Variants in RTN4R observed in about 807,000 individuals in gnomAD.
RTN4R encodes reticulon 4 receptor, also known as reticulon-4 receptor.
A neutral mutation model predicts 27.7 loss-of-function variants in RTN4R; 4 were observed. The observed-to-expected ratio is 0.14, with a 90% CI of 0.07 to 0.33. RTN4R has a LOEUF of 0.33. Among genes scored for constraint, RTN4R ranks in the 10% least tolerant of loss-of-function variants. The pLI is 1.00. For missense variants in RTN4R, 554 were observed against 671.5 expected (o/e 0.83, Z 1.93); for synonymous variants, 290 against 305.6 (o/e 0.95, Z 0.53).
At chr22:20,265,854 C>A (rs1051134893) in intron 1 of RTN4R, among the ~76,000 whole-genome samples, 1 of 152,204 alleles carries the variant, frequency 6.6e-6, no homozygotes, top group African/African-American at 2.4e-5. Context: ...CGGGCCAATT[C>A]CGCCCAGCCT....
chr22:20,262,165 AG>A (rs2051251619), intron 1 of RTN4R, among the ~76,000 whole-genome samples: 2 of 152,188 alleles, frequency 1.3e-5, no homozygotes, highest in African/African-American at 4.8e-5. Context: ...GGATGGGTCG[AG>A]GGAAGAGGCT....
intron 1 of RTN4R, 33 bp downstream of exon 1, chr22:20,268,038 C>A (rs1450250845): frequency 5.2e-6 from 6 of 1,154,742 alleles, no homozygotes; most frequent in Admixed American, 9.5e-5. Context: ...CGCCCCGCCG[C>A]CGGCCGGGCT....
Position 20,242,778 on chromosome 22 carries a change from G to A in RTN4R, c.355C>T (p.Arg119Trp), listed in dbSNP as rs74315508. 2.3e-4 allele frequency: 364 copies of A among 1,612,846 alleles called. No homozygotes were observed. Among genetic ancestry groups the A allele is most frequent in the Admixed American group, 2.1e-3 (129 of 60,026 alleles). Residue 119 changes from arginine (R) to tryptophan (W), a missense_variant, in exon 2 of 2, where the codon CGG becomes TGG. Arg to Trp is a moderately radical substitution (Grantham distance 101). Coordinates refer to ENST00000043402, the MANE Select transcript of RTN4R (RefSeq NM_023004.6). ...TGGAATGTGGCAGGGTCCACAGACC[G>A]GAGCTGTGCATTATCGCTGAGGTCC... ...QLDLSDNAQL[R>W]SVDPATFHGL...
chr22:20,244,418 G>A (rs1486520201), intron 1 of RTN4R, among the ~76,000 whole-genome samples: 1 of 152,230 alleles, frequency 6.6e-6, no homozygotes, highest in African/African-American at 2.4e-5. Flanking sequence ...AGCACGCGCA[G>A]TGACCGCTGG....
At chr22:20,261,591 A>C (rs2051247446) in intron 1 of RTN4R, among the ~76,000 whole-genome samples, 1 of 152,112 alleles carries the variant, frequency 6.6e-6, no homozygotes, top group Non-Finnish European at 1.5e-5. Context: ...GGGCCAACTG[A>C]TCTGCACCTA....
chr22:20,266,112 T>A (rs1240781822), intron 1 of RTN4R, among the ~76,000 whole-genome samples: 1 of 152,184 alleles, frequency 6.6e-6, no homozygotes, highest in Non-Finnish European at 1.5e-5. Flanking sequence ...CTCACCTCAG[T>A]AGAGAAGAAC....
At position 20,242,476 on chromosome 22, in the gene RTN4R, C is replaced by T. The variant is rs746556660; in HGVS notation, c.657G>A (p.Pro219=). ...GGCGGCCAAGGTCACGGAAGGCATGCGGGTGCACATGGGCCACGCGGTTCT... is the reference window on the plus strand; with the variant it reads ...GGCGGCCAAGGTCACGGAAGGCATGTGGGTGCACATGGGCCACGCGGTTCT... ...LHQNRVAHVH[P]HAFRDLGRLM... The change falls in exon 2 of 2, where the codon CCG becomes CCA. Residue 219 remains proline (P), a synonymous_variant. Transcript: ENST00000043402. 15 of 1,613,550 alleles carry T rather than the reference C, an allele frequency of 9.3e-6. No individual in the cohort carries two copies. The highest frequency in any genetic ancestry group is 1.7e-5 in the Admixed American group (1 of 60,008).
intron 1 of RTN4R, among the ~76,000 whole-genome samples, chr22:20,246,240 A>G (rs1409771390): frequency 6.6e-6 from 1 of 152,150 alleles, no homozygotes; most frequent in African/African-American, 2.4e-5. Context: ...GTGACCGGAT[A>G]CTGACCCAGA....
At position 20,258,891 on chromosome 22, in the gene RTN4R, G is replaced by A. The variant is rs547423680; in HGVS notation, c.22+9180C>T. 6.8e-4 allele frequency among the ~76,000 whole-genome samples: 103 copies of A among 152,296 alleles called. 2 individuals carry two copies. Among genetic ancestry groups the A allele is most frequent in the Admixed American group, 6.0e-3 (92 of 15,306 alleles). On this transcript the variant is annotated intron_variant, in intron 1 of 1. Transcript: ENST00000043402. ...GTGATAACTCAGCTAGGAGTGGGGCGTGGGGGTGGTCCTGACATGTACCAA... is the reference window on the plus strand; with the variant it reads ...GTGATAACTCAGCTAGGAGTGGGGCATGGGGGTGGTCCTGACATGTACCAA...
At chr22:20,257,350 G>C (rs1372909437) in intron 1 of RTN4R, among the ~76,000 whole-genome samples, 1 of 152,258 alleles carries the variant, frequency 6.6e-6, no homozygotes, top group Non-Finnish European at 1.5e-5. Context: ...GATGGTATTT[G>C]GAGGCGGGGC....
At chr22:20,259,842 G>T (rs778481337) in intron 1 of RTN4R, among the ~76,000 whole-genome samples, 14 of 152,218 alleles carry the variant, frequency 9.2e-5, no homozygotes, top group Non-Finnish European at 1.9e-4. Flanking sequence ...GAATCTGGGG[G>T]ACTTGGGGGT....
chr22:20,243,249 C>CG (rs1422229208), intron 1 of RTN4R, 139 bp from the exon 2 acceptor site: 7 of 782,098 alleles, frequency 9.0e-6, no homozygotes, highest in Non-Finnish European at 1.5e-5. Flanking sequence ...CCACCACCCC[C>CG]GGGAATCGCA....
chr22:20,257,884 C>A (rs908069442), intron 1 of RTN4R, among the ~76,000 whole-genome samples: 1 of 152,148 alleles, frequency 6.6e-6, no homozygotes, highest in African/African-American at 2.4e-5. Flanking sequence ...ATCGGCCCTG[C>A]AGGGCAGTCC....
intron 1 of RTN4R, among the ~76,000 whole-genome samples, chr22:20,245,242 G>T (rs1269989434): frequency 1.3e-5 from 2 of 152,184 alleles, no homozygotes; most frequent in Admixed American, 6.5e-5. Context: ...ACACGGCTCG[G>T]TTCCTGCCGA....
At chr22:20,254,694 C>T (rs1024231510) in intron 1 of RTN4R, among the ~76,000 whole-genome samples, 1 of 151,714 alleles carries the variant, frequency 6.6e-6, no homozygotes, top group East Asian at 1.9e-4. Context: ...AAGAGGAAAA[C>T]GTGGGGCCCA....
At chr22:20,249,146 G>C (rs2145976165) in intron 1 of RTN4R, 1 of 534,256 alleles carries the variant, frequency 1.9e-6, no homozygotes, top group East Asian at 5.4e-5. Context: ...TCTCCACCAA[G>C]GGCTCATCTT....
intron 1 of RTN4R, chr22:20,249,339 C>A: frequency 2.3e-6 from 1 of 438,618 alleles, no homozygotes; most frequent in Non-Finnish European, 4.7e-6. Context: ...TGCCCGCTAC[C>A]TGGTGCCTAG....
intron 1 of RTN4R, chr22:20,249,306 A>G (rs2051161431): frequency 6.2e-6 from 3 of 481,182 alleles, no homozygotes; most frequent in Non-Finnish European, 1.3e-5. Flanking sequence ...CCTGCCTCCC[A>G]TGCCCATCTG....
chr22:20,255,020 T>C lies in RTN4R; in HGVS notation c.23-11910A>G, dbSNP rs1326090682. Among the ~76,000 whole-genome samples, 1 of 151,794 alleles carries C rather than the reference T, an allele frequency of 6.6e-6. No homozygotes were observed. The highest frequency in any genetic ancestry group is 2.4e-5 in the African/African-American group (1 of 41,318). ...GCAGCGAGACAGCCATGCTGGGGAGTGTGCTGGAGGAGACAGAGCTGGAGT... is the reference window on the plus strand; with the variant it reads ...GCAGCGAGACAGCCATGCTGGGGAGCGTGCTGGAGGAGACAGAGCTGGAGT... On this transcript the variant is annotated intron_variant, in intron 1 of 1. Transcript: ENST00000043402. This position sits in a 1 kb window ranked among gnomAD's most constrained non-coding sequence, Gnocchi z 4.8.
Sources: allele counts gnomAD v4.1 joint callset (sites outside exome capture counted in the v4.1 genomes callset), GRCh38; gene constraint gnomAD v4.1.1; non-coding constraint Gnocchi (gnomAD v3.1); transcripts MANE v1.5; gene names NCBI Gene and HGNC (gene_info 2026-07-23, HGNC 2026-07-21).